CACNA1B: variants seen among roughly 807,000 people sequenced by gnomAD.
CACNA1B encodes voltage-dependent N-type calcium channel subunit alpha-1B.
In CACNA1B, 70 loss-of-function variants were observed where a neutral mutation model predicts 247.2. The ratio of observed to expected loss-of-function variants is 0.28; its 90% CI spans 0.23 to 0.35. The LOEUF (loss-of-function observed/expected upper bound fraction) is 0.35, where lower values mean the gene tolerates loss of function less well. CACNA1B is among the 10% of genes least tolerant of loss of function. CACNA1B has a pLI of 1.00. For missense variants in CACNA1B, 2,367 were observed against 3,197.4 expected, an observed-to-expected ratio of 0.74 and a Z score of 6.26; for synonymous variants, 1,231 against 1,294.4, an observed-to-expected ratio of 0.95 and a Z score of 1.05.
At chr9:137,956,394 A>T (rs1170429314) in intron 8 of CACNA1B, among the ~76,000 whole-genome samples, 1 of 152,216 alleles carries the variant, frequency 6.6e-6, no homozygotes, top group Non-Finnish European at 1.5e-5. Flanking sequence ...GCAGTGGCTC[A>T]CGCCTACAGT....
rs766053710 is a variant in CACNA1B, at chr9:138,058,674, C to T, written c.4414C>T (p.Pro1472Ser). ...GACGTGGACATTTGTGGTCTCCCCG[C>T]CCTTTGAATACTTCATCATGGCCAT... The part of the protein sequence containing the change: ...YKTWTFVVSP[P>S]FEYFIMAMIA... The change falls in exon 29 of 47, where the codon CCC becomes TCC. Residue 1472 changes from proline to serine, a missense_variant. By Grantham distance (74) the Pro-to-Ser change is moderately conservative. Transcript: ENST00000371372. The surrounding 1 kb of genome is among the most constrained non-coding windows in gnomAD (Gnocchi z 4.7). 2.5e-6 allele frequency: 4 copies of T among 1,612,974 alleles called. No individual in the cohort carries two copies. The Admixed American group carries it at 5.0e-5, about 20-fold the overall frequency.
intron 15 of CACNA1B, among the ~76,000 whole-genome samples, chr9:137,989,844 A>G (rs1391047875): frequency 6.6e-6 from 1 of 152,194 alleles, no homozygotes; most frequent in Non-Finnish European, 1.5e-5. Flanking sequence ...ATACTAATGT[A>G]TTTTTACCCA....
chr9:138,005,351 A>AT, intron 15 of CACNA1B, among the ~76,000 whole-genome samples: 1 of 152,232 alleles, frequency 6.6e-6, no homozygotes. Context: ...GTTAAGTGAA[A>AT]TAAGCCAGGC....
intron 42 of CACNA1B, among the ~76,000 whole-genome samples, chr9:138,116,720 C>T (rs770765690): frequency 7.2e-5 from 11 of 152,176 alleles, no homozygotes; most frequent in South Asian, 2.1e-4. Flanking sequence ...ATTTAGTGAG[C>T]GGGTTGAGCA....
intron 36 of CACNA1B, among the ~76,000 whole-genome samples, chr9:138,078,817 G>A (rs558973960): frequency 6.6e-6 from 1 of 152,194 alleles, no homozygotes; most frequent in Non-Finnish European, 1.5e-5. Context: ...GTGGGATTAG[G>A]CTGCATTTTA....
chr9:138,028,368 T>TA (rs1252156320), intron 20 of CACNA1B, among the ~76,000 whole-genome samples: 5 of 152,192 alleles, frequency 3.3e-5, no homozygotes, highest in Non-Finnish European at 5.9e-5. Flanking sequence ...ATGTGTCCGC[T>TA]AAAAATTCCT....
chr9:137,931,073 G>C (rs1957602185), intron 6 of CACNA1B, among the ~76,000 whole-genome samples: 1 of 152,052 alleles, frequency 6.6e-6, no homozygotes, highest in Admixed American at 6.6e-5. Context: ...TACATTAGAT[G>C]GTATTATCTG....
chr9:137,890,610 G>T (rs1256469306), intron 3 of CACNA1B: 1 of 150,590 alleles, frequency 6.6e-6, no homozygotes, highest in Non-Finnish European at 1.5e-5. Flanking sequence ...TCTCGACGGT[G>T]ACTGCAGGCC....
chr9:138,098,999 C>G (rs1031507871), intron 37 of CACNA1B, among the ~76,000 whole-genome samples: 1 of 152,242 alleles, frequency 6.6e-6, no homozygotes, highest in Non-Finnish European at 1.5e-5. Context: ...TTTTGGTAGC[C>G]TCTGTGACAA....
At chr9:138,028,315 G>C (rs1012999191) in intron 20 of CACNA1B, among the ~76,000 whole-genome samples, 5 of 152,070 alleles carry the variant, frequency 3.3e-5, no homozygotes, top group Non-Finnish European at 7.4e-5. Context: ...GAGCCACCGT[G>C]CCTGGCCCCA....
rs1049753215 is a variant in CACNA1B at position 137,899,958 on chromosome 9, TGGCCAGCGTG to T, written c.531-13215_531-13206del. On this transcript the variant is annotated intron_variant, in intron 3 of 46. Transcript: ENST00000371372. This position sits in a 1 kb window ranked among gnomAD's most constrained non-coding sequence, Gnocchi z 5.0. ...TGCCACAGGGACGGGGTACAGGGGC[TGGCCAGCGTG>T]GGCCAGATGCATGGGGACAAGGGAG... 6.6e-5 allele frequency among the ~76,000 whole-genome samples: 10 copies of T among 152,168 alleles called. No individual in the cohort carries two copies. The highest frequency in any genetic ancestry group is 8.8e-5 in the Non-Finnish European group (6 of 68,016).
At position 138,058,804 on chromosome 9, in the gene CACNA1B, G is replaced by C. The variant is rs1041531583; in HGVS notation, c.4473+71G>C. 7.3e-7 allele frequency: 1 copy of C among 1,368,792 alleles called. No homozygotes were observed. Among genetic ancestry groups the C allele is most frequent in the African/African-American group, 1.5e-5 (1 of 68,938 alleles). The allele number at this position is 1,368,792 out of a possible 1,614,324, so 84.8% of individuals were successfully genotyped here. On this transcript the variant is annotated intron_variant, in intron 29 of 46. Transcript: ENST00000371372. The surrounding 1 kb of genome is among the most constrained non-coding windows in gnomAD (Gnocchi z 4.7). ...TGGGATCTAACCCTGAGGCTGAGTG[G>C]AGAGTCAGCCTTCTTCCTCCCTGCA...
At chr9:138,085,320 T>C (rs1960659766) in intron 36 of CACNA1B, among the ~76,000 whole-genome samples, 1 of 150,814 alleles carries the variant, frequency 6.6e-6, no homozygotes, top group Non-Finnish European at 1.5e-5. Context: ...AGATAGGTCA[T>C]TTGAAATTAG....
chr9:138,064,884 C>T (rs925970696), intron 31 of CACNA1B, among the ~76,000 whole-genome samples: 6 of 152,252 alleles, frequency 3.9e-5, no homozygotes, highest in Admixed American at 2.6e-4. Context: ...TGGCCTTGTG[C>T]GTGATGCCAG....
At chr9:138,114,552 CG>C in intron 41 of CACNA1B, 62 bp downstream of exon 41, 3 of 823,928 alleles carry the variant, frequency 3.6e-6, no homozygotes, top group Non-Finnish European at 4.0e-6. Context: ...TGGCATCCTT[CG>C]GGGGGTTGAC....
intron 15 of CACNA1B, among the ~76,000 whole-genome samples, chr9:138,000,146 T>C (rs191660776): frequency 3.2e-4 from 49 of 150,868 alleles, no homozygotes; most frequent in Admixed American, 9.3e-4. Context: ...TCGCCCAGGC[T>C]GGAGTGCAGT....
chr9:138,043,973 G>A, intron 21 of CACNA1B, 73 bp downstream of exon 21: 2 of 1,551,216 alleles, frequency 1.3e-6, no homozygotes, highest in Non-Finnish European at 1.8e-6. Context: ...GATCTCAGTA[G>A]CCAGCGTGCA....
rs775034319 is a variant in CACNA1B, at chr9:137,986,397, CT to C, written c.1770-15del. 1.9e-6 allele frequency: 3 copies of C among 1,613,240 alleles called. No individual in the cohort carries two copies. Among genetic ancestry groups the C allele is most frequent in the Non-Finnish European group, 2.5e-6 (3 of 1,179,616 alleles). Reference sequence around the variant, plus strand: ...AGCGTCTGGAGCTGGCTCAGACCCCCTGCCTGGCCCCGCAGGTACTGGAGCT... The same window carrying C: ...AGCGTCTGGAGCTGGCTCAGACCCCCGCCTGGCCCCGCAGGTACTGGAGCT... On this transcript the variant is annotated splice_polypyrimidine_tract_variant and intron_variant, in intron 13 of 46. Coordinates refer to ENST00000371372, the MANE Select transcript of CACNA1B (RefSeq NM_000718.4). This position sits in a 1 kb window ranked among gnomAD's most constrained non-coding sequence, Gnocchi z 6.0.
At chr9:137,953,338 C>T (rs1957900999) in intron 7 of CACNA1B, among the ~76,000 whole-genome samples, 1 of 152,218 alleles carries the variant, frequency 6.6e-6, no homozygotes, top group South Asian at 2.1e-4. Context: ...CACTATGATC[C>T]CTGCTCAGGC....
Sources: gnomAD v4.1 joint callset for allele counts (sites outside exome capture counted in the v4.1 genomes callset) on GRCh38, gnomAD v4.1.1 for gene constraint, Gnocchi (gnomAD v3.1) non-coding constraint, MANE v1.5 for transcripts, NCBI Gene and HGNC (gene_info 2026-07-23, HGNC 2026-07-21) for gene names.